The following NRDC variants were observed in gnomAD, a reference collection of about 807,000 sequenced individuals.
NRDC encodes nardilysin convertase.
A neutral mutation model predicts 147.1 loss-of-function variants in NRDC; 54 were observed. The ratio of observed to expected loss-of-function variants is 0.37; its 90% CI spans 0.29 to 0.46. The LOEUF (loss-of-function observed/expected upper bound fraction) is 0.46, where lower values mean the gene tolerates loss of function less well. NRDC is among the 20% of genes least tolerant of loss of function. The pLI is 1.00. For synonymous variants in NRDC, 440 were observed against 482.1 expected (o/e 0.91, Z 1.14); for missense variants, 1,082 against 1,370.6 (o/e 0.79, Z 3.33).
chr1:51,809,360 C>A lies in NRDC; in HGVS notation c.1945G>T (p.Glu649Ter). 2 of 1,613,682 alleles carry A rather than the reference C, an allele frequency of 1.2e-6. No individual in the cohort carries two copies. The highest frequency in any genetic ancestry group is 1.7e-6 in the Non-Finnish European group (2 of 1,179,742). Residue 649 changes from glutamate to a stop codon, truncating the protein, a stop_gained, in exon 17 of 31, where the codon GAA (glutamate) becomes TAA (stop). Coordinates refer to ENST00000352171, the MANE Select transcript of NRDC (RefSeq NM_001101662.2). LOFTEE classifies it high-confidence loss of function. ...SWAELWNSNF[E>*]LNPDLHLPAE... is the part of the protein sequence containing the mutation. ...GGAAGATGAAGATCTGGATTTAATT[C>A]GAAATTACTATTCCACAGTTCAGCC...
At position 51,844,323 on chromosome 1, in the gene NRDC, GCT is replaced by G. The variant is rs1681424967; in HGVS notation, c.342-3811_342-3810del. Among the ~76,000 whole-genome samples the G allele has an allele frequency of 2.0e-5, 3 of 152,070 alleles. No individual in the cohort carries two copies. The South Asian group carries it at 6.2e-4, about 32-fold the overall frequency. On this transcript the variant is annotated intron_variant, in intron 1 of 30. Transcript: ENST00000352171. ...ACAGGGCCTTTAAAGAGGTAATTAA[GCT>G]AAACATCAGGCCTCTAAAGTAGGTC... is the stretch of plus-strand genomic sequence containing the variant.
chr1:51,816,463 C>T, intron 10 of NRDC, 74 bp from the exon 11 acceptor site: 1 of 699,960 alleles, frequency 1.4e-6, no homozygotes, highest in South Asian at 2.6e-5. Context: ...ACCTCTAAGG[C>T]TACAATAATT....
chr1:51,844,582 A>G (rs1338521845), intron 1 of NRDC, among the ~76,000 whole-genome samples: 1 of 151,630 alleles, frequency 6.6e-6, no homozygotes, highest in Non-Finnish European at 1.5e-5. Flanking sequence ...CTCTACTAAA[A>G]ATACAAAAAA....
In NRDC at chr1:51,878,682, G is replaced by C. The variant is rs990639473; in HGVS notation, c.-67C>G. ...CCCACCTCCTCCGCGTTCTAGAGGC[G>C]GTGGCGGCCGGCCCTGGTGCTGCCG... On this transcript the variant is annotated 5_prime_UTR_variant, in exon 1 of 31. Coordinates refer to ENST00000352171, the MANE Select transcript of NRDC (RefSeq NM_001101662.2). 2.8e-6 allele frequency: 4 copies of C among 1,415,356 alleles called. No individual in the cohort carries two copies. Among genetic ancestry groups the C allele is most frequent in the Admixed American group, 4.0e-5 (2 of 49,396 alleles). 87.7% of individuals were successfully genotyped at this position (1,415,356 alleles called of 1,614,324 possible). A position where few individuals can be genotyped will look rare whatever the true frequency, so the allele number is the denominator to read the frequency against.
chr1:51,867,458 T>C (rs761251854), intron 1 of NRDC, among the ~76,000 whole-genome samples: 10 of 152,298 alleles, frequency 6.6e-5, no homozygotes, highest in Non-Finnish European at 1.3e-4. Context: ...ATTTATTTTA[T>C]ACAGGCTGAT....
In NRDC at chr1:51,874,422, G is replaced by C. The variant is rs147946199; in HGVS notation, c.341+3853C>G. Among the ~76,000 whole-genome samples the C allele has an allele frequency of 4.6e-3, 698 of 152,226 alleles. 2 individuals are homozygous for C. The highest frequency in any genetic ancestry group is 7.9e-3 in the Non-Finnish European group (539 of 68,028). On this transcript the variant is annotated intron_variant, in intron 1 of 30. Coordinates refer to ENST00000352171, the MANE Select transcript of NRDC (RefSeq NM_001101662.2). ...ATCTGAGGTCAGGAGTTTGAGACCA[G>C]CCTAGGCAAAATGGCGAAATCTCAT...
At chr1:51,851,878 C>T (rs1329721601) in intron 1 of NRDC, among the ~76,000 whole-genome samples, 2 of 152,180 alleles carry the variant, frequency 1.3e-5, no homozygotes, top group Non-Finnish European at 2.9e-5. Context: ...TGGTAAAGCA[C>T]TGAGGCTGCC....
rs111390422 is a variant in NRDC, at chr1:51,790,728, C to T, written c.3052-79G>A. ...AGAACACACTGGGCCCTGTCCAGCCCGGCTTGTGATGGACATGCCAGTATA... is the reference window on the plus strand; with the variant it reads ...AGAACACACTGGGCCCTGTCCAGCCTGGCTTGTGATGGACATGCCAGTATA... On this transcript the variant is annotated intron_variant, in intron 28 of 30. Transcript: ENST00000352171. The T allele has an allele frequency of 1.1e-4, 126 of 1,108,618 alleles. No individual in the cohort carries two copies. In the African/African-American group the frequency reaches 1.4e-3, roughly 13 times the overall value. 68.7% of individuals were successfully genotyped at this position (1,108,618 alleles called of 1,614,324 possible). A position where few individuals can be genotyped will look rare whatever the true frequency, so the allele number is the denominator to read the frequency against.
chr1:51,857,656 G>A (rs1292667336), intron 1 of NRDC, among the ~76,000 whole-genome samples: 1 of 152,164 alleles, frequency 6.6e-6, no homozygotes, highest in Admixed American at 6.5e-5. Context: ...TCCGAACTGG[G>A]TTTGGAAGTC....
At chr1:51,838,508 T>C (rs970540831) in intron 2 of NRDC, among the ~76,000 whole-genome samples, 3 of 152,154 alleles carry the variant, frequency 2.0e-5, no homozygotes, top group African/African-American at 7.2e-5. Flanking sequence ...GAAAAGCTAC[T>C]TACAGATAGA....
At chr1:51,866,222 T>TAA (rs1557939892) in intron 1 of NRDC, among the ~76,000 whole-genome samples, 1 of 151,468 alleles carries the variant, frequency 6.6e-6, no homozygotes, top group Admixed American at 6.6e-5. Context: ...ACCTTATCTT[T>TAA]AAAAAAAAGA....
Position 51,805,568 on chromosome 1 carries a change from G to GAA in NRDC, c.2111-9_2111-8dup, listed in dbSNP as rs1387432147. ...AGATGGAAACGTATATATGCTAAAA[G>GAA]AAAAAAGACCATAGATAAAAAAGGT... On this transcript the variant is annotated splice_region_variant and splice_polypyrimidine_tract_variant and intron_variant, in intron 18 of 30. Transcript: ENST00000352171. The GAA allele has an allele frequency of 6.4e-7, 1 of 1,559,232 alleles. No individual in the cohort carries two copies. The highest frequency in any genetic ancestry group is 8.7e-7 in the Non-Finnish European group (1 of 1,155,934).
chr1:51,855,679 G>T (rs979575962), intron 1 of NRDC, among the ~76,000 whole-genome samples: 1 of 151,942 alleles, frequency 6.6e-6, no homozygotes, highest in African/African-American at 2.4e-5. Context: ...TATACAGCCT[G>T]GCCAACATGG....
At chr1:51,856,614 T>C (rs1367040679) in intron 1 of NRDC, among the ~76,000 whole-genome samples, 1 of 152,154 alleles carries the variant, frequency 6.6e-6, no homozygotes, top group South Asian at 2.1e-4. Flanking sequence ...TTCTATGCCC[T>C]TCCTGTGCAG....
intron 1 of NRDC, among the ~76,000 whole-genome samples, chr1:51,876,137 T>C (rs1236509376): frequency 6.6e-6 from 1 of 151,974 alleles, no homozygotes; most frequent in Non-Finnish European, 1.5e-5. Flanking sequence ...ATTCCATAAA[T>C]ATTAGTTATT....
intron 1 of NRDC, 25 bp downstream of exon 1, chr1:51,878,250 C>T: frequency 6.3e-7 from 1 of 1,593,106 alleles, no homozygotes; most frequent in Non-Finnish European, 8.6e-7. Flanking sequence ...CTGTTCGCCT[C>T]CCCATTGCAA....
At chr1:51,824,099 T>G (rs1363157540) in intron 6 of NRDC, among the ~76,000 whole-genome samples, 1 of 151,926 alleles carries the variant, frequency 6.6e-6, no homozygotes, top group Admixed American at 6.6e-5. Flanking sequence ...TTCTAATTAT[T>G]TTAATAATAT....
chr1:51,810,494 C>T, intron 15 of NRDC, 90 bp from the exon 16 acceptor site: 1 of 1,102,684 alleles, frequency 9.1e-7, no homozygotes, highest in East Asian at 2.5e-5. Flanking sequence ...TGTTAGGCAC[C>T]TCCAAGATCT....
chr1:51,825,338 A>G lies in NRDC; in HGVS notation c.985T>C (p.Leu329=). 1 of 1,597,562 alleles carries G rather than the reference A, an allele frequency of 6.3e-7. No homozygotes were observed. The stretch of plus-strand genomic sequence containing the variant: ...CCAGGTCTAGCAAGGCTTCCAAACA[A>G]CATTTCCTTTCTGTTTGCATCAGAA... The part of the protein sequence containing the change: ...RPSDANRKEM[L]FGSLARPGHP... The change falls in exon 6 of 31, where the codon TTG becomes CTG. Residue 329 remains leucine, a synonymous_variant. Transcript: ENST00000352171.
Sources: allele counts gnomAD v4.1 joint callset (sites outside exome capture counted in the v4.1 genomes callset), GRCh38; gene constraint gnomAD v4.1.1; transcripts MANE v1.5; gene names NCBI Gene and HGNC (gene_info 2026-07-23, HGNC 2026-07-21).